Variants in CUX1 observed in about 807,000 individuals in gnomAD.
The protein encoded by CUX1 is cut like homeobox 1.
In CUX1, 31 loss-of-function variants were observed where a neutral mutation model predicts 158.8. That is an observed-to-expected ratio of 0.20 (90% confidence interval 0.15 to 0.26). The LOEUF is 0.26. Ranked by LOEUF, CUX1 falls within the 10% of genes least tolerant of loss-of-function variation. The pLI is 1.00. For missense variants in CUX1, 1,589 were observed against 2,014.6 expected, an observed-to-expected ratio of 0.79 and a Z score of 4.04; for synonymous variants, 879 against 862.1, an observed-to-expected ratio of 1.02 and a Z score of -0.34.
Position 102,028,086 on chromosome 7 carries a change from C to T in CUX1, c.142-12C>T. 3 of 1,612,276 alleles carry T rather than the reference C, an allele frequency of 1.9e-6. No individual in the cohort carries two copies. The highest frequency in any genetic ancestry group is 2.2e-5 in the East Asian group (1 of 44,886). ...CAAATGGCTGCTTCCTGACCTCCGC[C>T]TCCTGCTCCAGGATTTGCGCAAGCA... On this transcript the variant is annotated splice_polypyrimidine_tract_variant and intron_variant, in intron 2 of 23. Coordinates refer to ENST00000292535, the MANE Select transcript of CUX1 (RefSeq NM_181552.4).
intron 10 of CUX1, among the ~76,000 whole-genome samples, chr7:102,171,173 G>C (rs1319250105): frequency 1.3e-5 from 2 of 152,084 alleles, no homozygotes; most frequent in African/African-American, 4.8e-5. Context: ...TGCTGTATAG[G>C]GACAAGGAAC....
intron 8 of CUX1, among the ~76,000 whole-genome samples, chr7:102,157,466 G>A (rs1789901821): frequency 1.3e-5 from 2 of 152,148 alleles, no homozygotes; most frequent in Admixed American, 1.3e-4. Flanking sequence ...GGCTTTTGGA[G>A]TTGGCCGTGC....
chr7:102,035,072 TAAA>T lies in CUX1; in HGVS notation c.189+6945_189+6947del, dbSNP rs55710671. On this transcript the variant is annotated intron_variant, in intron 3 of 23. Coordinates refer to ENST00000292535, the MANE Select transcript of CUX1 (RefSeq NM_181552.4). ...CATTAATCATCAGACCCAGTGGTGG[TAAA>T]AAAAAAAAAAAAAAAAATTCCCAGA... 1.8e-3 allele frequency among the ~76,000 whole-genome samples: 247 copies of T among 139,480 alleles called. 1 individual carries two copies. The highest frequency in any genetic ancestry group is 3.7e-3 in the Middle Eastern group (1 of 270). 91.5% of individuals were successfully genotyped at this position (139,480 alleles called of 152,430 possible).
At chr7:102,058,374 A>C (rs1262916454) in intron 3 of CUX1, among the ~76,000 whole-genome samples, 1 of 152,168 alleles carries the variant, frequency 6.6e-6, no homozygotes, top group African/African-American at 2.4e-5. Flanking sequence ...CCAGGGTTCA[A>C]GCGATTCTCA....
At chr7:102,114,286 A>G (rs1831226110) in intron 7 of CUX1, among the ~76,000 whole-genome samples, 1 of 152,176 alleles carries the variant, frequency 6.6e-6, no homozygotes, top group Non-Finnish European at 1.5e-5. Flanking sequence ...ATTTTGTTAC[A>G]CTTTTTTGAA....
intron 2 of CUX1, among the ~76,000 whole-genome samples, chr7:101,988,806 C>G (rs929895744): frequency 6.6e-6 from 1 of 152,030 alleles, no homozygotes; most frequent in Non-Finnish European, 1.5e-5. Context: ...TTTGAGCCAG[C>G]CTCGGCAGCA....
downstream of CUX1, among the ~76,000 whole-genome samples, chr7:102,258,911 TGGG>T (rs782174606): frequency 2.0e-5 from 3 of 151,734 alleles, no homozygotes; most frequent in East Asian, 3.9e-4. Context: ...GGGCTGGAGG[TGGG>T]GGGAGAGCTC....
Position 102,252,875 on chromosome 7 carries a change from TAGG to T in CUX1, c.*3837_*3839del. The T allele has an allele frequency of 1.0e-6, 1 of 985,458 alleles. No individual in the cohort carries two copies. The highest frequency in any genetic ancestry group is 1.2e-6 in the Non-Finnish European group (1 of 829,956). 61.0% of individuals were successfully genotyped at this position (985,458 alleles called of 1,614,324 possible). ...TCAATTGGATTCTTCTAGACGATCTTAGGAGGCATCTTGGCATGAGGCAGCTTC... is the reference window on the plus strand; with the variant it reads ...TCAATTGGATTCTTCTAGACGATCTTAGGCATCTTGGCATGAGGCAGCTTC... On this transcript the variant is annotated 3_prime_UTR_variant, in exon 24 of 24. Transcript: ENST00000292535.
At chr7:101,981,781 T>C (rs1813478900) in intron 2 of CUX1, among the ~76,000 whole-genome samples, 1 of 152,082 alleles carries the variant, frequency 6.6e-6, no homozygotes, top group South Asian at 2.1e-4. Flanking sequence ...CAGCTAATGT[T>C]TGTATTTTTA....
chr7:101,898,695 A>T (rs774189278), intron 1 of CUX1, among the ~76,000 whole-genome samples: 1 of 145,102 alleles, frequency 6.9e-6, no homozygotes, highest in Non-Finnish European at 1.5e-5. Flanking sequence ...GGTTCAAGTG[A>T]TTCTCCTGCG....
At chr7:101,851,096 G>A (rs975235214) in intron 1 of CUX1, among the ~76,000 whole-genome samples, 3 of 152,126 alleles carry the variant, frequency 2.0e-5, no homozygotes, top group South Asian at 2.1e-4. Flanking sequence ...GTGACAGAGC[G>A]AGAGTCTGTC....
Position 102,255,170 on chromosome 7 carries a change from T to C in CUX1, c.*6128T>C. 1.0e-6 allele frequency: 1 copy of C among 985,500 alleles called. No homozygotes were observed. The highest frequency in any genetic ancestry group is 1.2e-6 in the Non-Finnish European group (1 of 829,988). 61.0% of individuals were successfully genotyped at this position (985,500 alleles called of 1,614,324 possible). ...AATAGAAGGAAATGCAATTTCCGCC[T>C]GTCTGCCCGACTTCCAAAAACTGCC... On this transcript the variant is annotated 3_prime_UTR_variant, in exon 24 of 24. Coordinates refer to ENST00000292535, the MANE Select transcript of CUX1 (RefSeq NM_181552.4).
At chr7:102,045,876 G>A (rs145437101) in intron 3 of CUX1, among the ~76,000 whole-genome samples, 6 of 152,302 alleles carry the variant, frequency 3.9e-5, no homozygotes, top group South Asian at 2.1e-4. Flanking sequence ...CAGGGGACCC[G>A]CTCCAGGGAC....
At chr7:101,896,901 G>T (rs77205426) in intron 1 of CUX1, among the ~76,000 whole-genome samples, 3,700 of 152,216 alleles carry the variant, frequency 0.024, 135 homozygotes, top group African/African-American at 0.081. Flanking sequence ...AAGTTCTTAC[G>T]AGCAGTCAGT....
chr7:102,145,205 C>CT (rs1161990932), intron 8 of CUX1, among the ~76,000 whole-genome samples: 1 of 150,348 alleles, frequency 6.7e-6, no homozygotes, highest in Non-Finnish European at 1.5e-5. Flanking sequence ...GTCACTTTTT[C>CT]TTTTCCTTGC....
intron 8 of CUX1, among the ~76,000 whole-genome samples, chr7:102,144,234 G>A (rs1363816002): frequency 2.0e-5 from 3 of 152,140 alleles, no homozygotes; most frequent in East Asian, 1.9e-4. Context: ...ATCAGTGCAC[G>A]CTTTACAATT....
At chr7:102,188,654 A>C (rs782478105) in intron 11 of CUX1, 3 of 151,804 alleles carry the variant, frequency 2.0e-5, no homozygotes, top group African/African-American at 4.8e-5. Context: ...TAAAAACACA[A>C]AAAAAAGTAG....
exon 17 of CUX1, chr7:102,275,274 T>G (rs1238810351): frequency 3.7e-6 from 6 of 1,610,504 alleles, no homozygotes; most frequent in Non-Finnish European, 5.1e-6. Context: ...AGCGGTGCCC[T>G]CCCAGAGGGC....
intron 2 of CUX1, among the ~76,000 whole-genome samples, chr7:101,971,291 ACAGTTAG>A (rs770538678): frequency 1.3e-5 from 2 of 152,154 alleles, no homozygotes; most frequent in Non-Finnish European, 2.9e-5. Context: ...TTGCAAAGTT[ACAGTTAG>A]CACAGTATGA....
Sources: allele counts gnomAD v4.1 joint callset (sites outside exome capture counted in the v4.1 genomes callset), GRCh38; gene constraint gnomAD v4.1.1; transcripts MANE v1.5; gene names NCBI Gene and HGNC (gene_info 2026-07-23, HGNC 2026-07-21).